The following GNG7 variants were observed in gnomAD, a reference collection of about 807,000 sequenced individuals.
GNG7 encodes the protein G protein subunit gamma 7, also known as guanine nucleotide-binding protein G(I)/G(S)/G(O) subunit gamma-7.
Under a neutral mutation model 4.0 loss-of-function variants are expected in GNG7, and 1 was observed. The ratio of observed to expected loss-of-function variants is 0.25; its 90% CI spans 0.09 to 1.18. The LOEUF (loss-of-function observed/expected upper bound fraction) is 1.18. Among genes scored for constraint, GNG7 ranks in the 50% most tolerant of loss-of-function variants. The probability of loss-of-function intolerance (pLI) is 0.50; values close to 1 mark genes in which losing one functional copy is unlikely to be tolerated. For synonymous variants in GNG7, 34 were observed against 36.9 expected, an observed-to-expected ratio of 0.92 and a Z score of 0.29; for missense variants, 86 against 91.9, an observed-to-expected ratio of 0.94 and a Z score of 0.26.
chr19:2,575,607 GCAGGCACACA>G (rs1411671765), intron 2 of GNG7, among the ~76,000 whole-genome samples: 2 of 121,920 alleles, frequency 1.6e-5, no homozygotes, highest in African/African-American at 3.1e-5. Flanking sequence ...GCAGGCACAC[GCAGGCACACA>G]CAGACATGCA....
rs907522387 is a variant in GNG7, at chr19:2,557,719, C to A, written c.-77-2531G>T. On this transcript the variant is annotated intron_variant, in intron 2 of 4. Transcript: ENST00000382159. This position sits in a 1 kb window ranked among gnomAD's most constrained non-coding sequence, Gnocchi z 5.1. ...GACCGAGGATGCTGGGGCCACCTCA[C>A]CTGCAGCCCCGGGTCAGCCTCAGAA... is the stretch of plus-strand genomic sequence containing the variant. Among the ~76,000 whole-genome samples, 3 of 152,164 alleles carry A rather than the reference C, an allele frequency of 2.0e-5. No homozygotes were observed. Among genetic ancestry groups the A allele is most frequent in the African/African-American group, 7.2e-5 (3 of 41,432 alleles).
At chr19:2,647,495 G>A (rs1053771265) in intron 1 of GNG7, among the ~76,000 whole-genome samples, 11 of 152,116 alleles carry the variant, frequency 7.2e-5, no homozygotes, top group Admixed American at 2.0e-4. Context: ...GGCCTCATGC[G>A]GAGTCCAGGG....
At position 2,659,380 on chromosome 19, in the gene GNG7, A is replaced by C. The variant is rs185091359; in HGVS notation, c.-134-13100T>G. ...GATCACCTGAGGTCAGGAGTTTGAC[A>C]GGAGTTTGAGACCAGCCTGGCCAAC... On this transcript the variant is annotated intron_variant, in intron 1 of 4. Transcript: ENST00000382159. 1.7e-4 allele frequency among the ~76,000 whole-genome samples: 26 copies of C among 150,908 alleles called. 1 individual carries two copies. The East Asian group carries it at 4.0e-3, about 23-fold the overall frequency.
intron 3 of GNG7, among the ~76,000 whole-genome samples, chr19:2,526,337 TC>T (rs1978395559): frequency 6.6e-6 from 1 of 151,626 alleles, no homozygotes; most frequent in Admixed American, 6.6e-5. Flanking sequence ...ACGCCTGACC[TC>T]AGGTGATCCA....
chr19:2,584,664 GAAA>G (rs1980596508), intron 2 of GNG7, among the ~76,000 whole-genome samples: 1 of 97,218 alleles, frequency 1.0e-5, no homozygotes, highest in East Asian at 3.6e-4. Flanking sequence ...GGGAAGGAAG[GAAA>G]GAAGGAAGGA....
chr19:2,547,262 C>T (rs925499285), intron 3 of GNG7, among the ~76,000 whole-genome samples: 1 of 152,134 alleles, frequency 6.6e-6, no homozygotes, highest in Non-Finnish European at 1.5e-5. Flanking sequence ...ACCCATGTTT[C>T]TCATCTCACA....
At chr19:2,592,377 A>G (rs1306479558) in intron 2 of GNG7, among the ~76,000 whole-genome samples, 1 of 152,150 alleles carries the variant, frequency 6.6e-6, no homozygotes, top group African/African-American at 2.4e-5. Flanking sequence ...TATTTCTAGC[A>G]ATGTGGCAGA....
chr19:2,701,528 C>G (rs1275479957), intron 1 of GNG7, among the ~76,000 whole-genome samples: 2 of 151,416 alleles, frequency 1.3e-5, no homozygotes, highest in African/African-American at 2.4e-5. Flanking sequence ...CCAGCCACTC[C>G]CTGGCTCACC....
intron 2 of GNG7, among the ~76,000 whole-genome samples, chr19:2,567,974 A>G (rs1979972762): frequency 6.6e-6 from 1 of 152,096 alleles, no homozygotes; most frequent in Non-Finnish European, 1.5e-5. Context: ...TTCCTGGAAA[A>G]TGCATCTCAC....
In GNG7 at chr19:2,696,927, A is replaced by T. The variant is rs554396548; in HGVS notation, c.-135+5719T>A. The stretch of plus-strand genomic sequence containing the variant: ...TTGCCCAGGCTGGAGTGCAGTGCTC[A>T]CCGCAACCTCCGCCTCCCAGGTTCA... On this transcript the variant is annotated intron_variant, in intron 1 of 4. Transcript: ENST00000382159. 6.6e-4 allele frequency among the ~76,000 whole-genome samples: 101 copies of T among 152,284 alleles called. 2 individuals carry two copies. The highest frequency in any genetic ancestry group is 2.6e-4 in the Non-Finnish European group (18 of 68,012).
At chr19:2,581,181 T>G (rs1980491932) in intron 2 of GNG7, among the ~76,000 whole-genome samples, 1 of 152,054 alleles carries the variant, frequency 6.6e-6, no homozygotes, top group South Asian at 2.1e-4. Flanking sequence ...TGTCCCTCAC[T>G]AGAAGTGCCT....
rs1982879770 is a variant in GNG7 at position 2,653,350 on chromosome 19, C to T, written c.-134-7070G>A. ...AACACAGAGCTGGGAAATTCCGCAG[C>T]AGGGCAGATGAGGGATCGATCTGAG... On this transcript the variant is annotated intron_variant, in intron 1 of 4. Transcript: ENST00000382159. This position sits in a 1 kb window ranked among gnomAD's most constrained non-coding sequence, Gnocchi z 4.8. Among the ~76,000 whole-genome samples, 1 of 152,180 alleles carries T rather than the reference C, an allele frequency of 6.6e-6. No homozygotes were observed. The highest frequency in any genetic ancestry group is 2.4e-5 in the African/African-American group (1 of 41,432).
intron 1 of GNG7, among the ~76,000 whole-genome samples, chr19:2,693,342 G>A (rs1469993970): frequency 6.6e-6 from 1 of 150,980 alleles, no homozygotes; most frequent in Non-Finnish European, 1.5e-5. Context: ...CTTGAGCCAG[G>A]GAGGTGGAGG....
chr19:2,555,900 G>C (rs1180570960), intron 2 of GNG7, among the ~76,000 whole-genome samples: 1 of 151,630 alleles, frequency 6.6e-6, no homozygotes, highest in Non-Finnish European at 1.5e-5. Flanking sequence ...CACAGTGCAC[G>C]GATCGCGAGG....
At chr19:2,556,560 G>C (rs1039622660) in intron 2 of GNG7, among the ~76,000 whole-genome samples, 2 of 152,066 alleles carry the variant, frequency 1.3e-5, no homozygotes, top group African/African-American at 4.8e-5. Context: ...GCTGGAGTCC[G>C]GGCCACCCAC....
chr19:2,518,483 C>G (rs567166534), intron 4 of GNG7, among the ~76,000 whole-genome samples: 1 of 152,216 alleles, frequency 6.6e-6, no homozygotes, highest in Non-Finnish European at 1.5e-5. Context: ...GACCCCTCCC[C>G]TACTGGTTGG....
At position 2,568,364 on chromosome 19, in the gene GNG7, TAC is replaced by T. The variant is rs1295595503; in HGVS notation, c.-77-13178_-77-13177del. 7.3e-4 allele frequency among the ~76,000 whole-genome samples: 109 copies of T among 149,330 alleles called. 1 individual carries two copies. Among genetic ancestry groups the T allele is most frequent in the African/African-American group, 2.6e-3 (106 of 40,374 alleles). On this transcript the variant is annotated intron_variant, in intron 2 of 4. Transcript: ENST00000382159. ...AGACATACATACACACACGTGCACATACACACATATAGACACACATATACAAC... is the reference window on the plus strand; with the variant it reads ...AGACATACATACACACACGTGCACATACACATATAGACACACATATACAAC...
chr19:2,656,229 T>C (rs1158938040), intron 1 of GNG7, among the ~76,000 whole-genome samples: 1 of 152,022 alleles, frequency 6.6e-6, no homozygotes, highest in Non-Finnish European at 1.5e-5. Flanking sequence ...CCAAAGGAAA[T>C]GAAATCAGAA....
chr19:2,559,837 C>T (rs969680565), intron 2 of GNG7, among the ~76,000 whole-genome samples: 1 of 125,502 alleles, frequency 8.0e-6, no homozygotes, highest in Non-Finnish European at 1.7e-5. Flanking sequence ...GAATGCCTAT[C>T]GATGATGTGA....
Sources: allele counts gnomAD v4.1 joint callset (sites outside exome capture counted in the v4.1 genomes callset), GRCh38; gene constraint gnomAD v4.1.1; non-coding constraint Gnocchi (gnomAD v3.1); transcripts MANE v1.5; gene names NCBI Gene and HGNC (gene_info 2026-07-23, HGNC 2026-07-21).